PDLIM5: variants seen among roughly 807,000 people sequenced by gnomAD.
The protein encoded by PDLIM5 is PDZ and LIM domain 5.
PDLIM5 carries 34 observed loss-of-function variants against 64.2 expected under a neutral mutation model. That is an observed-to-expected ratio of 0.53 (90% CI 0.40 to 0.71). The LOEUF is 0.71. Among genes scored for constraint, PDLIM5 ranks in the 30% least tolerant of loss-of-function variants. PDLIM5 has a pLI of 0.00. For missense variants in PDLIM5, 683 were observed against 733.6 expected (o/e 0.93, Z 0.80); for synonymous variants, 253 against 269.1 (o/e 0.94, Z 0.59).
intron 2 of PDLIM5, among the ~76,000 whole-genome samples, chr4:94,510,350 T>G (rs185016537): frequency 2.0e-4 from 30 of 152,284 alleles, no homozygotes; most frequent in Admixed American, 1.9e-3. Context: ...TGTAAATATT[T>G]GCACACCATG....
intron 2 of PDLIM5, among the ~76,000 whole-genome samples, chr4:94,490,996 A>C (rs902123360): frequency 5.3e-5 from 8 of 152,114 alleles, no homozygotes; most frequent in African/African-American, 1.9e-4. Context: ...TTGTCAAAAA[A>C]CTCATTATAC....
At chr4:94,569,742 A>G (rs990383047) in intron 3 of PDLIM5, among the ~76,000 whole-genome samples, 2 of 151,970 alleles carry the variant, frequency 1.3e-5, no homozygotes, top group African/African-American at 2.4e-5. Flanking sequence ...TGCCTGGCAC[A>G]TAGAATAAAT....
At chr4:94,531,536 A>C (rs889903230) in intron 3 of PDLIM5, among the ~76,000 whole-genome samples, 2 of 152,192 alleles carry the variant, frequency 1.3e-5, no homozygotes, top group African/African-American at 4.8e-5. Context: ...GTAGTCACAA[A>C]AAAACCTCAT....
At chr4:94,585,517 T>A (rs1386130876) in intron 5 of PDLIM5, 48 bp from the exon 6 acceptor site, 2 of 1,151,738 alleles carry the variant, frequency 1.7e-6, no homozygotes, top group Admixed American at 2.4e-5. Flanking sequence ...TTTTATCCTT[T>A]TAATATAACT....
intron 2 of PDLIM5, among the ~76,000 whole-genome samples, chr4:94,517,382 T>C (rs940124273): frequency 6.6e-6 from 1 of 152,192 alleles, no homozygotes; most frequent in African/African-American, 2.4e-5. Flanking sequence ...CAGATTCAAA[T>C]TTTTTATTTG....
At chr4:94,616,580 C>T (rs1417316105) in intron 7 of PDLIM5, among the ~76,000 whole-genome samples, 1 of 152,118 alleles carries the variant, frequency 6.6e-6, no homozygotes, top group African/African-American at 2.4e-5. Flanking sequence ...GTTGTGTTGC[C>T]TTTACTGATA....
At chr4:94,452,904 C>T (rs760620396) in intron 1 of PDLIM5, among the ~76,000 whole-genome samples, 4 of 152,216 alleles carry the variant, frequency 2.6e-5, no homozygotes, top group Non-Finnish European at 5.9e-5. Flanking sequence ...CTGCTTTCAT[C>T]CTGTGCCTGT....
chr4:94,664,195 T>C lies in PDLIM5; in HGVS notation c.*128T>C, dbSNP rs1171909167. On this transcript the variant is annotated 3_prime_UTR_variant, in exon 13 of 13. Coordinates refer to ENST00000317968, the MANE Select transcript of PDLIM5 (RefSeq NM_006457.5). ...TAATAGTGGCCCTGAAGGAATAAAT[T>C]CCAGCTTTAAAAACCAAGTCTGAGG... 8.2e-7 allele frequency: 1 copy of C among 1,223,664 alleles called. No homozygotes were observed. The highest frequency in any genetic ancestry group is 1.0e-6 in the Non-Finnish European group (1 of 971,138). The allele number at this position is 1,223,664 out of a possible 1,614,324, so 75.8% of individuals were successfully genotyped here.
At chr4:94,518,676 A>G (rs990298692) in intron 2 of PDLIM5, among the ~76,000 whole-genome samples, 3 of 152,234 alleles carry the variant, frequency 2.0e-5, no homozygotes, top group African/African-American at 7.2e-5. Context: ...ATGCAAATCA[A>G]AACATAGAAT....
rs568479966 is a variant in PDLIM5 at position 94,522,537 on chromosome 4, G to A, written c.97-1187G>A. Among the ~76,000 whole-genome samples the A allele has an allele frequency of 1.1e-4, 17 of 152,044 alleles. No homozygotes were observed. The South Asian group carries it at 1.9e-3, about 17-fold the overall frequency. ...ATTACAGGCATGCACCACCACGCCC[G>A]GCTGATTTTTGTATTTTTGGTAGAG... On this transcript the variant is annotated intron_variant, in intron 2 of 12. Transcript: ENST00000317968.
At chr4:94,460,518 G>A (rs1723780034) in intron 2 of PDLIM5, among the ~76,000 whole-genome samples, 1 of 151,714 alleles carries the variant, frequency 6.6e-6, no homozygotes, top group South Asian at 2.1e-4. Flanking sequence ...CATTTTGGGA[G>A]GACAAGGTGG....
At position 94,638,639 on chromosome 4, in the gene PDLIM5, T is replaced by G. The variant is rs987084330; in HGVS notation, c.1109-1637T>G. Among the ~76,000 whole-genome samples the G allele has an allele frequency of 7.2e-4, 110 of 152,264 alleles. 2 individuals are homozygous for G. The highest frequency in any genetic ancestry group is 7.0e-3 in the Admixed American group (107 of 15,290). On this transcript the variant is annotated intron_variant, in intron 8 of 12. Transcript: ENST00000317968. ...GTATATTTATGTAAATACATTTATC[T>G]GTATACACTCTGTTAATTTGTATTA...
chr4:94,634,383 C>G (rs559211412), intron 8 of PDLIM5, among the ~76,000 whole-genome samples: 5 of 152,252 alleles, frequency 3.3e-5, no homozygotes, highest in Admixed American at 2.6e-4. Flanking sequence ...CAAACTTGCT[C>G]TCCTGCTGAT....
intron 2 of PDLIM5, among the ~76,000 whole-genome samples, chr4:94,472,448 TG>T (rs1296017779): frequency 1.3e-5 from 2 of 152,212 alleles, no homozygotes; most frequent in African/African-American, 4.8e-5. Context: ...ACAGTATTGC[TG>T]GTGATAGGCA....
chr4:94,555,701 C>A (rs1733234500), intron 3 of PDLIM5, among the ~76,000 whole-genome samples: 1 of 151,822 alleles, frequency 6.6e-6, no homozygotes, highest in East Asian at 1.9e-4. Context: ...ATGGTAAATA[C>A]ATGGATATCG....
Position 94,575,688 on chromosome 4 carries a change from A to C in PDLIM5, c.364A>C (p.Asn122His). ...TGTGTCCAAAGTCACTTCCACAAAC[A>C]ACATGGCCTACAATAAGGCACCACG... Reference protein sequence around the residue: ...PAVSKVTSTNNMAYNKAPRPF... With the variant: ...PAVSKVTSTNHMAYNKAPRPF... Residue 122 changes from asparagine to histidine, a missense_variant, in exon 5 of 13, where the codon AAC (asparagine) becomes CAC (histidine). By Grantham distance (68) the Asn-to-His change is moderately conservative. Transcript: ENST00000317968. The C allele has an allele frequency of 6.2e-7, 1 of 1,613,630 alleles. No individual in the cohort carries two copies. The highest frequency in any genetic ancestry group is 8.5e-7 in the Non-Finnish European group (1 of 1,179,644).
At chr4:94,651,899 A>G (rs1289268469) in intron 9 of PDLIM5, among the ~76,000 whole-genome samples, 1 of 152,198 alleles carries the variant, frequency 6.6e-6, no homozygotes, top group Non-Finnish European at 1.5e-5. Context: ...CATGTATCAC[A>G]ACAAGCACCG....
intron 8 of PDLIM5, among the ~76,000 whole-genome samples, chr4:94,623,190 G>A (rs888261249): frequency 6.6e-4 from 1 of 1,508 alleles, no homozygotes; most frequent in Non-Finnish European, 1.2e-3. Flanking sequence ...GGGGCTGTCT[G>A]CTGCTGGTCA....
At chr4:94,531,912 C>G (rs1730904570) in intron 3 of PDLIM5, among the ~76,000 whole-genome samples, 1 of 151,764 alleles carries the variant, frequency 6.6e-6, no homozygotes, top group Non-Finnish European at 1.5e-5. Flanking sequence ...TTAAAAAGAT[C>G]CTATATGTTA....
Sources: gnomAD v4.1 joint callset for allele counts (sites outside exome capture counted in the v4.1 genomes callset) on GRCh38, gnomAD v4.1.1 for gene constraint, MANE v1.5 for transcripts, NCBI Gene and HGNC (gene_info 2026-07-23, HGNC 2026-07-21) for gene names.